GFRA2: variants seen among roughly 807,000 people sequenced by gnomAD.
GFRA2 encodes GDNF family receptor alpha-2.
Under a neutral mutation model 48.3 loss-of-function variants are expected in GFRA2, and 17 were observed. The observed-to-expected ratio is 0.35, with a 90% CI of 0.24 to 0.53. The LOEUF is 0.53. GFRA2 is among the 20% of genes least tolerant of loss of function. GFRA2 has a pLI of 0.93. For synonymous variants in GFRA2, 305 were observed against 257.2 expected (o/e 1.19, Z -1.78); for missense variants, 660 against 637.3 (o/e 1.04, Z -0.38).
rs2229903 is a variant in GFRA2, at chr8:21,750,593, C to T, written c.789G>A (p.Leu263=). Residue 263 remains leucine (L), a synonymous_variant, in exon 4 of 9, where the codon CTG becomes CTA. Coordinates refer to ENST00000524240, the MANE Select transcript of GFRA2 (RefSeq NM_001495.5). This position sits in a 1 kb window ranked among gnomAD's most constrained non-coding sequence, Gnocchi z 5.7. ...GGGGCTGCCGCGGCACTCACCGACA[C>T]AGGTGGTCAGTCCGGCACACGCCAC... The part of the protein sequence containing the change: ...DLRGVCRTDH[L]CRSRLADFHA... The T allele has an allele frequency of 7.5e-6, 12 of 1,595,092 alleles. No individual in the cohort carries two copies. Among genetic ancestry groups the T allele is most frequent in the Admixed American group, 7.0e-5 (4 of 57,398 alleles).
At chr8:21,754,129 C>T (rs537370891) in intron 3 of GFRA2, among the ~76,000 whole-genome samples, 1 of 152,332 alleles carries the variant, frequency 6.6e-6, no homozygotes, top group South Asian at 2.1e-4. Context: ...CCTATTTTTC[C>T]CACAGCACTC....
chr8:21,764,084 CCT>C (rs1262179399), intron 3 of GFRA2, among the ~76,000 whole-genome samples: 6 of 152,096 alleles, frequency 3.9e-5, no homozygotes, highest in African/African-American at 7.2e-5. Context: ...CTCACCTTCC[CCT>C]GTTTAAGCTG....
chr8:21,779,824 C>T (rs1212997084), intron 2 of GFRA2: 1 of 152,082 alleles, frequency 6.6e-6, no homozygotes, highest in Non-Finnish European at 1.5e-5. Context: ...TCAGGGATCC[C>T]CCTCTATCTG....
At chr8:21,694,396 C>T (rs527916786) in intron 8 of GFRA2, 68 bp downstream of exon 8, 17 of 1,450,936 alleles carry the variant, frequency 1.2e-5, no homozygotes, top group African/African-American at 8.4e-5. Context: ...ATCTGAGGCT[C>T]GCCGGGGAAA....
At chr8:21,778,681 A>G (rs935062258) in intron 2 of GFRA2, among the ~76,000 whole-genome samples, 2 of 152,200 alleles carry the variant, frequency 1.3e-5, no homozygotes, top group Non-Finnish European at 2.9e-5. Flanking sequence ...GCTTGAGGCC[A>G]GAAGTTTGAG....
At chr8:21,757,572 C>T (rs1275624416) in intron 3 of GFRA2, among the ~76,000 whole-genome samples, 3 of 148,624 alleles carry the variant, frequency 2.0e-5, no homozygotes, top group African/African-American at 5.1e-5. Flanking sequence ...CGGCTCACTG[C>T]AGCCACTGCC....
intron 2 of GFRA2, among the ~76,000 whole-genome samples, chr8:21,777,240 G>A (rs1361106854): frequency 3.9e-5 from 6 of 152,140 alleles, no homozygotes; most frequent in Non-Finnish European, 5.9e-5. Flanking sequence ...GAGTGTTATC[G>A]GAACCAAGTC....
At chr8:21,770,137 A>C (rs1446290570) in intron 3 of GFRA2, among the ~76,000 whole-genome samples, 1 of 152,162 alleles carries the variant, frequency 6.6e-6, no homozygotes, top group Non-Finnish European at 1.5e-5. Flanking sequence ...AGCTCTCTGG[A>C]AATCACCTGA....
intron 4 of GFRA2, among the ~76,000 whole-genome samples, chr8:21,725,679 T>C (rs1347078649): frequency 6.6e-6 from 1 of 152,112 alleles, no homozygotes; most frequent in East Asian, 1.9e-4. Flanking sequence ...AGTGCAAAAT[T>C]CCCCACTTTA....
chr8:21,738,300 C>T (rs1804583118), intron 4 of GFRA2, among the ~76,000 whole-genome samples: 1 of 149,910 alleles, frequency 6.7e-6, no homozygotes, highest in Admixed American at 6.6e-5. Flanking sequence ...TTAGCACCAT[C>T]CCAAGCTCCC....
intron 4 of GFRA2, among the ~76,000 whole-genome samples, chr8:21,713,624 G>C (rs1158036937): frequency 1.3e-5 from 2 of 152,118 alleles, no homozygotes; most frequent in Admixed American, 6.5e-5. Context: ...ACTTTCTATA[G>C]GTCACTGGTT....
At chr8:21,790,009 G>A (rs920234402), upstream of GFRA2, 104 of 928,076 alleles carry the variant, frequency 1.1e-4, no homozygotes, top group African/African-American at 1.7e-3. Context: ...GGGTTGGGGG[G>A]TTCCTCCTCC....
At chr8:21,746,844 A>G (rs911704973) in intron 4 of GFRA2, among the ~76,000 whole-genome samples, 6 of 152,144 alleles carry the variant, frequency 3.9e-5, no homozygotes, top group Admixed American at 2.0e-4. Context: ...TAGTTCTTTA[A>G]ACTGACACAG....
At chr8:21,770,213 GCA>G (rs1806377982) in intron 3 of GFRA2, among the ~76,000 whole-genome samples, 2 of 152,182 alleles carry the variant, frequency 1.3e-5, no homozygotes, top group Admixed American at 6.5e-5. Flanking sequence ...ATCAGCAAAG[GCA>G]CACACAGTTT....
chr8:21,708,338 C>T (rs1802852469), intron 4 of GFRA2, among the ~76,000 whole-genome samples: 1 of 152,200 alleles, frequency 6.6e-6, no homozygotes, highest in South Asian at 2.1e-4. Context: ...AACCCACATC[C>T]ATCCCCCTCC....
chr8:21,727,004 C>G (rs1202019593), intron 4 of GFRA2, among the ~76,000 whole-genome samples: 1 of 152,148 alleles, frequency 6.6e-6, no homozygotes, highest in Non-Finnish European at 1.5e-5. Flanking sequence ...CCTGCCTCGG[C>G]CTCCCAAAGT....
intron 7 of GFRA2, among the ~76,000 whole-genome samples, chr8:21,700,531 C>A (rs1006121151): frequency 1.3e-4 from 20 of 152,330 alleles, no homozygotes; most frequent in Admixed American, 1.2e-3. Context: ...GAGGAGGAAC[C>A]AGAAGGTGGC....
intron 7 of GFRA2, among the ~76,000 whole-genome samples, chr8:21,701,330 C>T (rs1177336066): frequency 6.6e-6 from 1 of 152,164 alleles, no homozygotes; most frequent in African/African-American, 2.4e-5. Flanking sequence ...GGAGGTGGAG[C>T]TTGCAGTGAG....
chr8:21,789,077 C>T, upstream of GFRA2: 1 of 161,004 alleles, frequency 6.2e-6, no homozygotes, highest in Non-Finnish European at 1.3e-5. Context: ...CGATGCTCTG[C>T]AGCGGCGGCG....
Sources: allele counts gnomAD v4.1 joint callset (sites outside exome capture counted in the v4.1 genomes callset), GRCh38; gene constraint gnomAD v4.1.1; non-coding constraint Gnocchi (gnomAD v3.1); transcripts MANE v1.5; gene names NCBI Gene and HGNC (gene_info 2026-07-23, HGNC 2026-07-21).